MYOM1: variants seen among roughly 807,000 people sequenced by gnomAD.
MYOM1 encodes the protein myomesin-1.
Under a neutral mutation model 205.3 loss-of-function variants are expected in MYOM1, and 164 were observed. The observed-to-expected ratio is 0.80, with a 90% confidence interval of 0.70 to 0.91. MYOM1 has a LOEUF of 0.91. Ranked by LOEUF, MYOM1 falls within the 40% of genes least tolerant of loss-of-function variation. The probability of loss-of-function intolerance (pLI) is 0.00; values close to 1 mark genes in which losing one functional copy is unlikely to be tolerated. For missense variants in MYOM1, 2,011 were observed against 2,127.3 expected, an observed-to-expected ratio of 0.95 and a Z score of 1.08; for synonymous variants, 772 against 789.4, an observed-to-expected ratio of 0.98 and a Z score of 0.37.
intron 8 of MYOM1, among the ~76,000 whole-genome samples, chr18:3,171,785 C>T (rs536219593): frequency 6.6e-6 from 1 of 152,298 alleles, no homozygotes; most frequent in South Asian, 2.1e-4. Flanking sequence ...TGGAACACAG[C>T]CATGCTCATT....
intron 22 of MYOM1, among the ~76,000 whole-genome samples, chr18:3,103,888 T>C (rs921743215): frequency 1.3e-5 from 2 of 152,242 alleles, no homozygotes; most frequent in East Asian, 1.9e-4. Flanking sequence ...GCTTCAACTA[T>C]AAACTTCCAA....
At chr18:3,245,106 G>T in the MYOM1 span, among the ~76,000 whole-genome samples, 1 of 152,288 alleles carries the variant, frequency 6.6e-6, no homozygotes, top group South Asian at 2.1e-4. Context: ...AGAAGTATAA[G>T]AAATAAATTT....
At chr18:3,186,290 T>C (rs188509840) in intron 5 of MYOM1, among the ~76,000 whole-genome samples, 94 of 152,028 alleles carry the variant, frequency 6.2e-4, no homozygotes, top group African/African-American at 2.1e-3. Context: ...TGATCAACAT[T>C]AGAAATAACA....
the MYOM1 span, chr18:3,246,744 C>T: frequency 6.6e-6 from 1 of 152,416 alleles, no homozygotes; most frequent in Non-Finnish European, 1.5e-5. Context: ...GGGTTCTGGC[C>T]ACGGGAGCCA....
chr18:3,177,341 G>A (rs2080657261), intron 5 of MYOM1, among the ~76,000 whole-genome samples: 1 of 152,014 alleles, frequency 6.6e-6, no homozygotes, highest in Admixed American at 6.6e-5. Context: ...TGATGTAACA[G>A]AGAGGAAGGC....
At chr18:3,215,844 T>C (rs1019195366) in intron 1 of MYOM1, among the ~76,000 whole-genome samples, 2 of 152,174 alleles carry the variant, frequency 1.3e-5, no homozygotes, top group African/African-American at 2.4e-5. Context: ...ATATTTCTAA[T>C]TTTCTGCCAT....
At chr18:3,166,359 C>T (rs2080471537) in intron 9 of MYOM1, among the ~76,000 whole-genome samples, 1 of 151,714 alleles carries the variant, frequency 6.6e-6, no homozygotes. Flanking sequence ...CAACCTCCGC[C>T]TCCCGGGTTC....
the MYOM1 span, among the ~76,000 whole-genome samples, chr18:3,231,590 T>A: frequency 6.8e-6 from 1 of 146,780 alleles, no homozygotes; most frequent in Admixed American, 7.0e-5. Flanking sequence ...CCCAGGCTGG[T>A]GTGCAATGGC....
intron 20 of MYOM1, among the ~76,000 whole-genome samples, chr18:3,117,253 G>A (rs2079619638): frequency 6.6e-6 from 1 of 152,160 alleles, no homozygotes. Flanking sequence ...TATGAATATA[G>A]AGAGTAATAG....
chr18:3,155,875 G>A (rs890207200), intron 10 of MYOM1, among the ~76,000 whole-genome samples: 1 of 152,146 alleles, frequency 6.6e-6, no homozygotes, highest in African/African-American at 2.4e-5. Flanking sequence ...CATTTTGAAA[G>A]AGAAAACATT....
intron 19 of MYOM1, 105 bp from the exon 20 acceptor site, chr18:3,120,100 A>G (rs1461430702): frequency 1.4e-6 from 2 of 1,427,120 alleles, no homozygotes; most frequent in East Asian, 5.0e-5. Flanking sequence ...GACACACCCT[A>G]GGGTGACCCT....
Position 3,102,053 on chromosome 18 carries a change from G to A in MYOM1, c.3575+421C>T, listed in dbSNP as rs9955555. On this transcript the variant is annotated intron_variant, in intron 23 of 37. Transcript: ENST00000356443. The stretch of plus-strand genomic sequence containing the variant: ...GTCTGGCTCTGTTGCCCAGGCTGGA[G>A]TGCAGTGGCGCGATCTCGGCTCACT... Among the ~76,000 whole-genome samples, 172 of 140,186 alleles carry A rather than the reference G, an allele frequency of 1.2e-3. 1 individual carries two copies. Among genetic ancestry groups the A allele is most frequent in the African/African-American group, 4.3e-3 (161 of 37,422 alleles). 92.0% of individuals were successfully genotyped at this position (140,186 alleles called of 152,430 possible). A position where few individuals can be genotyped will look rare whatever the true frequency, so the allele number is the denominator to read the frequency against.
chr18:3,151,605 A>G (rs1414243964), intron 12 of MYOM1, 89 bp downstream of exon 12: 1 of 1,189,000 alleles, frequency 8.4e-7, no homozygotes, highest in South Asian at 1.7e-5. Flanking sequence ...CTCTAGTGGA[A>G]GGGAGAGAAA....
At chr18:3,094,440 C>T in intron 25 of MYOM1, 134 bp from the exon 26 acceptor site, 1 of 918,648 alleles carries the variant, frequency 1.1e-6, no homozygotes, top group Non-Finnish European at 1.6e-6. Flanking sequence ...TTGCAAAGCC[C>T]AGAGGCAGTG....
At chr18:3,193,186 A>G (rs2080936848) in intron 3 of MYOM1, among the ~76,000 whole-genome samples, 1 of 151,838 alleles carries the variant, frequency 6.6e-6, no homozygotes. Flanking sequence ...AGGTAGGAGG[A>G]TTGCCTGAGT....
chr18:3,192,052 G>A lies in MYOM1; in HGVS notation c.431+1766C>T, dbSNP rs564957259. Among the ~76,000 whole-genome samples, 199 of 152,192 alleles carry A rather than the reference G, an allele frequency of 1.3e-3. 2 individuals carry two copies. Among genetic ancestry groups the A allele is most frequent in the African/African-American group, 4.3e-3 (177 of 41,518 alleles). ...AATGATCACTTCTTGAGATTGGCCC[G>A]GAAGAGAAAAATAGTTTGGTGTGGA... is the stretch of plus-strand genomic sequence containing the variant. On this transcript the variant is annotated intron_variant, in intron 3 of 37. Coordinates refer to ENST00000356443, the MANE Select transcript of MYOM1 (RefSeq NM_003803.4).
chr18:3,129,324 T>C lies in MYOM1; in HGVS notation c.2702A>G (p.Glu901Gly), dbSNP rs747586496. Reference protein sequence around the residue: ...LGQTEVSKVSETVQEELTPPP... With the variant: ...LGQTEVSKVSGTVQEELTPPP... ...CGGGGTAAGCTCTTCCTGAACTGTT[T>C]CACTTACTTTACTCACTTCTGTTTG... The change falls in exon 18 of 38, where the codon GAA becomes GGA. Residue 901 changes from glutamate (E) to glycine (G), a missense_variant. Coordinates refer to ENST00000356443, the MANE Select transcript of MYOM1 (RefSeq NM_003803.4). The C allele has an allele frequency of 4.3e-6, 7 of 1,613,906 alleles. No individual in the cohort carries two copies. The highest frequency in any genetic ancestry group is 3.3e-5 in the South Asian group (3 of 91,090).
the MYOM1 span, among the ~76,000 whole-genome samples, chr18:3,229,444 A>C: frequency 6.6e-6 from 1 of 152,146 alleles, no homozygotes; most frequent in African/African-American, 2.4e-5. Flanking sequence ...AGCCTGAATT[A>C]AAAAGAAAGC....
intron 22 of MYOM1, among the ~76,000 whole-genome samples, chr18:3,110,979 T>A (rs982693451): frequency 1.4e-5 from 2 of 142,226 alleles, no homozygotes; most frequent in Non-Finnish European, 3.0e-5. Context: ...TGGGATGGAG[T>A]CTCTCACTGT....
Sources: allele counts gnomAD v4.1 joint callset (sites outside exome capture counted in the v4.1 genomes callset), GRCh38; gene constraint gnomAD v4.1.1; transcripts MANE v1.5; gene names NCBI Gene and HGNC (gene_info 2026-07-23, HGNC 2026-07-21).